The following LMBRD1 variants were observed in gnomAD, a reference collection of about 807,000 sequenced individuals.
LMBRD1 encodes LMBR1 domain containing 1, also known as lysosomal cobalamin transport escort protein LMBD1.
LMBRD1 carries 64 observed loss-of-function variants against 74.8 expected under a neutral mutation model. That is an observed-to-expected ratio of 0.86 (90% CI 0.70 to 1.05). LMBRD1 has a LOEUF of 1.05. LMBRD1 is among the 50% of genes least tolerant of loss of function. LMBRD1 has a pLI of 0.00. For synonymous variants in LMBRD1, 204 were observed against 216.3 expected, an observed-to-expected ratio of 0.94 and a Z score of 0.50; for missense variants, 652 against 645.9, an observed-to-expected ratio of 1.01 and a Z score of -0.10.
intron 14 of LMBRD1, among the ~76,000 whole-genome samples, chr6:69,681,245 T>A (rs551226293): frequency 6.6e-6 from 1 of 152,072 alleles, no homozygotes; most frequent in East Asian, 1.9e-4. Flanking sequence ...AGCATATGAA[T>A]AAAATCAAGA....
intron 14 of LMBRD1, among the ~76,000 whole-genome samples, chr6:69,689,025 G>A (rs1314838215): frequency 6.6e-6 from 1 of 151,994 alleles, no homozygotes; most frequent in Non-Finnish European, 1.5e-5. Flanking sequence ...TTACTAAAAT[G>A]AGATAAAATA....
At chr6:69,757,935 A>G (rs903908271) in intron 3 of LMBRD1, among the ~76,000 whole-genome samples, 8 of 152,218 alleles carry the variant, frequency 5.3e-5, no homozygotes, top group African/African-American at 1.7e-4. Flanking sequence ...TCATGTCCAT[A>G]GAAATTGAGC....
rs191500178 is a variant in LMBRD1, at chr6:69,794,184, C to G, written c.69+2629G>C. On this transcript the variant is annotated intron_variant, in intron 1 of 15. Transcript: ENST00000649934. ...CTTTTTCACTGTGCTGACATTTGCA[C>G]TCATGGTTCATAGCCACAGTGGGTA... 1.9e-3 allele frequency among the ~76,000 whole-genome samples: 290 copies of G among 152,294 alleles called. 1 individual carries two copies. The highest frequency in any genetic ancestry group is 6.8e-3 in the African/African-American group (281 of 41,552).
Position 69,700,858 on chromosome 6 carries a change from A to G in LMBRD1, c.1095T>C (p.Leu365=). The change falls in exon 12 of 16, where the codon CTT becomes CTC. Residue 365 remains leucine, a synonymous_variant. Coordinates refer to ENST00000649934, the MANE Select transcript of LMBRD1 (RefSeq NM_018368.4). The stretch of plus-strand genomic sequence containing the variant: ...TAATAATTGTTATAAGAATATAATC[A>G]AGAGGGAAAACCTGAAAAAAAAAGA... ...LLPLLQTVFP[L]DYILITIIIM... 1 of 1,422,948 alleles carries G rather than the reference A, an allele frequency of 7.0e-7. No homozygotes were observed. Among genetic ancestry groups the G allele is most frequent in the Non-Finnish European group, 9.6e-7 (1 of 1,040,916 alleles). 88.1% of individuals were successfully genotyped at this position (1,422,948 alleles called of 1,614,324 possible).
intron 5 of LMBRD1, among the ~76,000 whole-genome samples, chr6:69,748,442 G>T (rs1305647701): frequency 6.6e-6 from 1 of 151,946 alleles, no homozygotes; most frequent in Non-Finnish European, 1.5e-5. Context: ...ACACATCAAG[G>T]CAGGTAAAAA....
chr6:69,717,649 T>C (rs1329936847), intron 8 of LMBRD1, among the ~76,000 whole-genome samples: 1 of 152,200 alleles, frequency 6.6e-6, no homozygotes, highest in African/African-American at 2.4e-5. Flanking sequence ...CTGATGATTA[T>C]GAAATATTCT....
chr6:69,695,430 T>C (rs1765974330), intron 14 of LMBRD1, among the ~76,000 whole-genome samples: 2 of 152,054 alleles, frequency 1.3e-5, no homozygotes, highest in African/African-American at 4.8e-5. Flanking sequence ...ACCCTCTGAG[T>C]TTCTCACATA....
intron 6 of LMBRD1, 124 bp from the exon 7 acceptor site, chr6:69,738,139 A>G: frequency 1.4e-6 from 1 of 689,662 alleles, no homozygotes; most frequent in Non-Finnish European, 2.5e-6. Flanking sequence ...AATATGTATT[A>G]CCGTATTCTT....
intron 7 of LMBRD1, among the ~76,000 whole-genome samples, 179 bp from the exon 8 acceptor site, chr6:69,719,260 T>C (rs1766562122): frequency 6.6e-6 from 1 of 152,200 alleles, no homozygotes; most frequent in Admixed American, 6.5e-5. Flanking sequence ...CCGTTTATTT[T>C]GCATTAAACA....
In LMBRD1 at chr6:69,790,291, T is replaced by G; in HGVS notation, c.246+5A>C. On this transcript the variant is annotated splice_donor_5th_base_variant and intron_variant, in intron 2 of 15. Coordinates refer to ENST00000649934, the MANE Select transcript of LMBRD1 (RefSeq NM_018368.4). ...AAAAAATCTGCAAAGTAAGATTATATTTACCTTAAATGTACCATTTTGATT... is the reference window on the plus strand; with the variant it reads ...AAAAAATCTGCAAAGTAAGATTATAGTTACCTTAAATGTACCATTTTGATT... 6.3e-7 allele frequency: 1 copy of G among 1,592,426 alleles called. No individual in the cohort carries two copies. Among genetic ancestry groups the G allele is most frequent in the Admixed American group, 1.7e-5 (1 of 59,856 alleles).
At chr6:69,701,062 T>G (rs1476482655) in intron 11 of LMBRD1, among the ~76,000 whole-genome samples, 193 bp from the exon 12 acceptor site, 4 of 151,702 alleles carry the variant, frequency 2.6e-5, no homozygotes, top group African/African-American at 9.7e-5. Context: ...ACCAAAATTT[T>G]TAATACCATT....
chr6:69,713,949 C>T, intron 8 of LMBRD1, 152 bp from the exon 9 acceptor site: 1 of 749,652 alleles, frequency 1.3e-6, no homozygotes, highest in South Asian at 1.7e-5. Context: ...TGCAATATGA[C>T]AATAAACATA....
intron 7 of LMBRD1, among the ~76,000 whole-genome samples, chr6:69,724,347 T>TA (rs1562099891): frequency 7.2e-3 from 198 of 27,560 alleles, no homozygotes; most frequent in African/African-American, 0.044. Context: ...AAAGACACAT[T>TA]TAAAAAAAAA....
chr6:69,784,968 TC>T (rs1765915971), intron 2 of LMBRD1, among the ~76,000 whole-genome samples: 1 of 152,124 alleles, frequency 6.6e-6, no homozygotes, highest in South Asian at 2.1e-4. Context: ...AACAAAAACT[TC>T]CTGAAAAGTT....
intron 3 of LMBRD1, among the ~76,000 whole-genome samples, chr6:69,754,820 A>G (rs1481638446): frequency 6.6e-6 from 1 of 152,254 alleles, no homozygotes; most frequent in African/African-American, 2.4e-5. Flanking sequence ...TATGCAGCCA[A>G]CAAACATATG....
intron 7 of LMBRD1, among the ~76,000 whole-genome samples, chr6:69,731,623 T>C (rs1766860362): frequency 6.6e-6 from 1 of 152,112 alleles, no homozygotes; most frequent in Admixed American, 6.5e-5. Flanking sequence ...TTAGATAATT[T>C]TGTGCAACTG....
intron 9 of LMBRD1, among the ~76,000 whole-genome samples, chr6:69,707,334 A>G (rs1766281928): frequency 6.6e-6 from 1 of 152,174 alleles, no homozygotes; most frequent in Admixed American, 6.5e-5. Flanking sequence ...TAATCTTTAT[A>G]TCTTAAGGTT....
At chr6:69,732,848 CAA>C (rs767949275) in intron 7 of LMBRD1, among the ~76,000 whole-genome samples, 1 of 152,042 alleles carries the variant, frequency 6.6e-6, no homozygotes, top group Non-Finnish European at 1.5e-5. Context: ...TTGGTGGCAC[CAA>C]AAAATTAGAA....
chr6:69,792,905 T>A (rs534535176), intron 1 of LMBRD1, among the ~76,000 whole-genome samples: 2 of 152,192 alleles, frequency 1.3e-5, no homozygotes, highest in Non-Finnish European at 2.9e-5. Context: ...AGCCAGAGAT[T>A]CCCAAACTTT....
Sources: allele counts gnomAD v4.1 joint callset (sites outside exome capture counted in the v4.1 genomes callset), GRCh38; gene constraint gnomAD v4.1.1; transcripts MANE v1.5; gene names NCBI Gene and HGNC (gene_info 2026-07-23, HGNC 2026-07-21).